The following LRRC37A2 variants were observed in gnomAD, a reference collection of about 807,000 sequenced individuals.
The protein encoded by LRRC37A2 is leucine-rich repeat-containing protein 37A2.
In LRRC37A2, 9 loss-of-function variants were observed where a neutral mutation model predicts 68.8. That is an observed-to-expected ratio of 0.13 (90% CI 0.08 to 0.23). LRRC37A2 has a LOEUF of 0.23. Ranked by LOEUF, LRRC37A2 falls within the 10% of genes least tolerant of loss-of-function variation. The pLI is 1.00. For synonymous variants in LRRC37A2, 63 were observed against 367.6 expected (o/e 0.17, Z 9.48); for missense variants, 168 against 950.4 (o/e 0.18, Z 10.82).
At chr17:46,851,593 T>C in the LRRC37A2 span, 1 of 1,134,184 alleles carries the variant, frequency 8.8e-7, no homozygotes, top group Non-Finnish European at 1.1e-6. The surrounding 1 kb of genome is among the most constrained non-coding windows in gnomAD (Gnocchi z 4.3). Flanking sequence ...AGCTGCGAGC[T>C]TGAGCGGCGC....
At chr17:46,931,249 A>T in the LRRC37A2 span, 1 of 936,426 alleles carries the variant, frequency 1.1e-6, no homozygotes, top group Middle Eastern at 2.1e-4. Flanking sequence ...CTCCAGGCCC[A>T]TCAAGACAGG....
At chr17:47,006,185 T>C in the LRRC37A2 span, among the ~76,000 whole-genome samples, 1 of 152,020 alleles carries the variant, frequency 6.6e-6, no homozygotes, top group African/African-American at 2.4e-5. Context: ...AAAAAATTTT[T>C]TTTTCCCTCT....
chr17:46,609,882 G>C, the LRRC37A2 span, among the ~76,000 whole-genome samples: 1 of 140,138 alleles, frequency 7.1e-6, no homozygotes, highest in Non-Finnish European at 1.6e-5. Context: ...CTGGAATGCA[G>C]TGGCGTGATC....
At chr17:46,908,220 G>T in the LRRC37A2 span, among the ~76,000 whole-genome samples, 1 of 148,782 alleles carries the variant, frequency 6.7e-6, no homozygotes, top group South Asian at 2.2e-4. Context: ...GGTCTGGCTT[G>T]TGCAAGGAAG....
At chr17:46,895,132 CGCCCG>C in the LRRC37A2 span, among the ~76,000 whole-genome samples, 2 of 152,210 alleles carry the variant, frequency 1.3e-5, no homozygotes, top group African/African-American at 4.8e-5. Context: ...GCCCTCCCAG[CGCCCG>C]GCTGAGAGGA....
At chr17:46,949,768 G>T in the LRRC37A2 span, among the ~76,000 whole-genome samples, 1 of 152,228 alleles carries the variant, frequency 6.6e-6, no homozygotes, top group Non-Finnish European at 1.5e-5. Context: ...AGCAGGTGGA[G>T]CCTGGGCGGA....
the LRRC37A2 span, among the ~76,000 whole-genome samples, chr17:46,974,670 C>G: frequency 6.6e-6 from 1 of 151,452 alleles, no homozygotes; most frequent in Non-Finnish European, 1.5e-5. Flanking sequence ...GGAGGCAGAG[C>G]TTGCAGTGAG....
chr17:46,853,347 C>T, the LRRC37A2 span, among the ~76,000 whole-genome samples: 1 of 142,540 alleles, frequency 7.0e-6, no homozygotes, highest in Non-Finnish European at 1.5e-5. Context: ...AGTAAGTGCT[C>T]AACTAATGCT....
chr17:46,891,637 G>A, the LRRC37A2 span, among the ~76,000 whole-genome samples: 1 of 152,162 alleles, frequency 6.6e-6, no homozygotes, highest in Admixed American at 6.5e-5. Flanking sequence ...GGAACACCAG[G>A]GAGAAAATTA....
chr17:47,000,101 TA>T, the LRRC37A2 span, among the ~76,000 whole-genome samples: 14 of 131,932 alleles, frequency 1.1e-4, no homozygotes, highest in African/African-American at 3.4e-4. Flanking sequence ...TAAAATAAAA[TA>T]AAATAAAATA....
At chr17:46,687,404 A>G in the LRRC37A2 span, among the ~76,000 whole-genome samples, 1 of 151,484 alleles carries the variant, frequency 6.6e-6, no homozygotes, top group African/African-American at 2.4e-5. Flanking sequence ...AAACAAACAA[A>G]CAAAAAAAAT....
At chr17:46,737,035 C>A in the LRRC37A2 span, among the ~76,000 whole-genome samples, 4 of 152,130 alleles carry the variant, frequency 2.6e-5, no homozygotes, top group South Asian at 6.2e-4. Context: ...AAAAATATTT[C>A]TTTTGACATA....
chr17:46,789,705 C>T, the LRRC37A2 span, among the ~76,000 whole-genome samples: 9 of 152,204 alleles, frequency 5.9e-5, no homozygotes, highest in Admixed American at 5.9e-4. Context: ...GAGTACTAAA[C>T]CATGGCTGGG....
the LRRC37A2 span, among the ~76,000 whole-genome samples, chr17:46,657,430 T>C: frequency 6.6e-6 from 1 of 152,148 alleles, no homozygotes; most frequent in African/African-American, 2.4e-5. Flanking sequence ...GGATTTGTCA[T>C]TGAATGGCTG....
At chr17:46,760,050 CT>C in the LRRC37A2 span, among the ~76,000 whole-genome samples, 2 of 152,126 alleles carry the variant, frequency 1.3e-5, no homozygotes, top group Non-Finnish European at 2.9e-5. Context: ...GGAGGACCCC[CT>C]GAACCCAGGA....
the LRRC37A2 span, among the ~76,000 whole-genome samples, chr17:46,746,583 C>CT: frequency 1.3e-5 from 2 of 151,976 alleles, no homozygotes; most frequent in Non-Finnish European, 2.9e-5. Flanking sequence ...TATCTATGGA[C>CT]TGAGTGTGTA....
the LRRC37A2 span, among the ~76,000 whole-genome samples, chr17:46,864,879 G>A: frequency 1.3e-5 from 2 of 152,170 alleles, no homozygotes; most frequent in African/African-American, 4.8e-5. Flanking sequence ...ACAGCCTCCA[G>A]GACACCTTCC....
chr17:46,909,839 G>T, the LRRC37A2 span: 1 of 152,226 alleles, frequency 6.6e-6, no homozygotes, highest in Admixed American at 6.5e-5. Context: ...AATTCCAGAT[G>T]GAATGCACAA....
chr17:46,667,738 CTTTG>C, the LRRC37A2 span, among the ~76,000 whole-genome samples: 1 of 123,418 alleles, frequency 8.1e-6, no homozygotes, highest in African/African-American at 2.9e-5. Flanking sequence ...ATACACAAGA[CTTTG>C]TTTGCCATTA....
Sources: allele counts gnomAD v4.1 joint callset (sites outside exome capture counted in the v4.1 genomes callset), GRCh38; gene constraint gnomAD v4.1.1; non-coding constraint Gnocchi (gnomAD v3.1); transcripts MANE v1.5; gene names NCBI Gene and HGNC (gene_info 2026-07-23, HGNC 2026-07-21).